The following MAGI1 variants were observed in gnomAD, a reference collection of about 807,000 sequenced individuals.
The protein encoded by MAGI1 is membrane associated guanylate kinase, WW and PDZ domain containing 1.
A neutral mutation model predicts 139.9 loss-of-function variants in MAGI1; 58 were observed. That is an observed-to-expected ratio of 0.41 (90% CI 0.34 to 0.52). The LOEUF (loss-of-function observed/expected upper bound fraction) is 0.52, where lower values mean the gene tolerates loss of function less well. Among genes scored for constraint, MAGI1 ranks in the 20% least tolerant of loss-of-function variants. The pLI, the probability that MAGI1 is intolerant of heterozygous loss-of-function variation, is 0.12. For missense variants in MAGI1, 1,874 were observed against 1,901.6 expected (o/e 0.99, Z 0.27); for synonymous variants, 812 against 737.9 (o/e 1.10, Z -1.63).
Position 65,490,154 on chromosome 3 carries a change from G to A in MAGI1, c.550+3358C>T, listed in dbSNP as rs958886519. Among the ~76,000 whole-genome samples, 41 of 152,226 alleles carry A rather than the reference G, an allele frequency of 2.7e-4. 1 individual carries two copies. The highest frequency in any genetic ancestry group is 8.8e-5 in the Non-Finnish European group (6 of 68,046). On this transcript the variant is annotated intron_variant, in intron 3 of 22. Coordinates refer to ENST00000402939, the MANE Select transcript of MAGI1 (RefSeq NM_001033057.2). ...AAATACAAAAGCTAATGCTGAAGGA[G>A]AGCTTACATGTGTCAGACACTCTGC...
Position 65,846,974 on chromosome 3 carries a change from T to TAAAAAAA in MAGI1, c.313+191021_313+191022insTTTTTTT, listed in dbSNP as rs1300326490. Among the ~76,000 whole-genome samples, 3 of 22,322 alleles carry TAAAAAAA rather than the reference T, an allele frequency of 1.3e-4. No individual in the cohort carries two copies. In the African/African-American group the frequency reaches 1.6e-3, roughly 12 times the overall value. The allele number at this position is 22,322 out of a possible 152,430, so 14.6% of individuals were successfully genotyped here. A position where few individuals can be genotyped will look rare whatever the true frequency, so the allele number is the denominator to read the frequency against. ...CAGATTACAAAGAATAGCAATGTCT[T>TAAAAAAA]ACAAAAAAAAAAAAAAAAAAAACCC... is the stretch of plus-strand genomic sequence containing the variant. On this transcript the variant is annotated intron_variant, in intron 1 of 22. Transcript: ENST00000402939.
intron 1 of MAGI1, among the ~76,000 whole-genome samples, chr3:65,745,436 G>C (rs2035619621): frequency 6.6e-6 from 1 of 152,134 alleles, no homozygotes; most frequent in Non-Finnish European, 1.5e-5. Context: ...CCAATCCACT[G>C]ACAAAAATAC....
At chr3:65,979,108 C>A (rs112108420) in intron 1 of MAGI1, among the ~76,000 whole-genome samples, 1 of 134,920 alleles carries the variant, frequency 7.4e-6, no homozygotes, top group Non-Finnish European at 1.6e-5. Flanking sequence ...CGCCACCCCC[C>A]ACAGCTACTC....
At chr3:65,447,506 A>G (rs1176479837) in intron 7 of MAGI1, among the ~76,000 whole-genome samples, 4 of 152,240 alleles carry the variant, frequency 2.6e-5, no homozygotes, top group Admixed American at 2.0e-4. Context: ...CTGGGACGTA[A>G]TAACAACACA....
At chr3:65,802,350 G>A (rs748698349) in intron 1 of MAGI1, among the ~76,000 whole-genome samples, 2 of 152,130 alleles carry the variant, frequency 1.3e-5, no homozygotes, top group Non-Finnish European at 2.9e-5. Flanking sequence ...GGAGGGATGG[G>A]GGAGACAAGG....
At chr3:65,728,160 C>T (rs193119467) in intron 1 of MAGI1, among the ~76,000 whole-genome samples, 1 of 152,306 alleles carries the variant, frequency 6.6e-6, no homozygotes, top group East Asian at 1.9e-4. Flanking sequence ...GGAACTGTGT[C>T]TGGGACCATG....
intron 1 of MAGI1, among the ~76,000 whole-genome samples, chr3:65,635,084 A>AATAT (rs145329425): frequency 5.3e-5 from 8 of 151,480 alleles, no homozygotes; most frequent in African/African-American, 1.7e-4. Flanking sequence ...AGTAAAATAA[A>AATAT]ATATATATAT....
intron 2 of MAGI1, among the ~76,000 whole-genome samples, chr3:65,621,142 A>T (rs1033888160): frequency 1.3e-5 from 2 of 152,208 alleles, no homozygotes; most frequent in Admixed American, 6.5e-5. Flanking sequence ...AAAATAAAGG[A>T]CTGGGTGATA....
intron 1 of MAGI1, among the ~76,000 whole-genome samples, chr3:65,703,750 C>A (rs1011841464): frequency 6.6e-6 from 1 of 152,086 alleles, no homozygotes; most frequent in Non-Finnish European, 1.5e-5. Flanking sequence ...GGGATGCCTG[C>A]GGGAGAGAAG....
intron 2 of MAGI1, among the ~76,000 whole-genome samples, chr3:65,577,646 C>A (rs543875975): frequency 1.3e-5 from 2 of 152,252 alleles, no homozygotes; most frequent in African/African-American, 4.8e-5. Context: ...TCAACACCAC[C>A]AGTTTGCCTT....
intron 1 of MAGI1, among the ~76,000 whole-genome samples, chr3:66,028,032 C>T (rs191656920): frequency 2.0e-5 from 3 of 152,178 alleles, no homozygotes; most frequent in African/African-American, 7.2e-5. Context: ...TGGCCAGGCA[C>T]GAAGGCTCAT....
At chr3:65,617,322 G>A (rs183892900) in intron 2 of MAGI1, among the ~76,000 whole-genome samples, 2 of 152,316 alleles carry the variant, frequency 1.3e-5, no homozygotes, top group African/African-American at 4.8e-5. Flanking sequence ...GGAGGAATGG[G>A]AGGGGCATTG....
intron 1 of MAGI1, among the ~76,000 whole-genome samples, chr3:65,892,334 A>C (rs1488024399): frequency 6.6e-6 from 1 of 152,186 alleles, no homozygotes; most frequent in Non-Finnish European, 1.5e-5. Flanking sequence ...ATGATCGTCT[A>C]TATTTCAGAG....
chr3:65,455,538 C>T (rs1002113363), intron 5 of MAGI1, among the ~76,000 whole-genome samples: 2 of 152,012 alleles, frequency 1.3e-5, no homozygotes, highest in East Asian at 1.9e-4. Context: ...TGGTGAAATG[C>T]CATCTCTACA....
At chr3:65,666,214 A>ATG (rs140384607) in intron 1 of MAGI1, among the ~76,000 whole-genome samples, 1 of 151,996 alleles carries the variant, frequency 6.6e-6, no homozygotes, top group African/African-American at 2.4e-5. Flanking sequence ...AAAACTTTCC[A>ATG]TGTGTGTGTG....
At chr3:65,672,275 A>G (rs1481483704) in intron 1 of MAGI1, among the ~76,000 whole-genome samples, 1 of 152,196 alleles carries the variant, frequency 6.6e-6, no homozygotes, top group Non-Finnish European at 1.5e-5. Flanking sequence ...TAGTCTGACA[A>G]TCCCAGATCC....
At chr3:66,018,227 A>C (rs1487446000) in intron 1 of MAGI1, among the ~76,000 whole-genome samples, 1 of 152,084 alleles carries the variant, frequency 6.6e-6, no homozygotes, top group African/African-American at 2.4e-5. Flanking sequence ...ACACAGGAGC[A>C]GCCCCTGCAT....
intron 1 of MAGI1, among the ~76,000 whole-genome samples, chr3:65,715,504 T>C (rs552201562): frequency 6.6e-6 from 1 of 152,332 alleles, no homozygotes; most frequent in Non-Finnish European, 1.5e-5. Flanking sequence ...CATTTGTCTA[T>C]TTCATCTTGA....
chr3:65,541,313 C>G (rs930953213), intron 2 of MAGI1, among the ~76,000 whole-genome samples: 1 of 152,098 alleles, frequency 6.6e-6, no homozygotes, highest in Non-Finnish European at 1.5e-5. Context: ...CAGGACAAGA[C>G]AGATTCACAG....
Sources: allele counts gnomAD v4.1 joint callset (sites outside exome capture counted in the v4.1 genomes callset), GRCh38; gene constraint gnomAD v4.1.1; transcripts MANE v1.5; gene names NCBI Gene and HGNC (gene_info 2026-07-23, HGNC 2026-07-21).